Variants in SEC61A2 observed in about 807,000 individuals in gnomAD.
SEC61A2 encodes protein transport protein Sec61 subunit alpha isoform 2.
Under a neutral mutation model 59.9 loss-of-function variants are expected in SEC61A2, and 28 were observed. The ratio of observed to expected loss-of-function variants is 0.47; its 90% confidence interval spans 0.35 to 0.64. The LOEUF (loss-of-function observed/expected upper bound fraction) is 0.64, where lower values mean the gene tolerates loss of function less well. SEC61A2 is among the 30% of genes least tolerant of loss of function. The pLI, the probability that SEC61A2 is intolerant of heterozygous loss-of-function variation, is 0.01. For missense variants in SEC61A2, 340 were observed against 585.9 expected, an observed-to-expected ratio of 0.58 and a Z score of 4.33; for synonymous variants, 202 against 214.4, an observed-to-expected ratio of 0.94 and a Z score of 0.50.
intron 2 of SEC61A2, among the ~76,000 whole-genome samples, chr10:12,135,881 G>T (rs988362078): frequency 6.6e-6 from 1 of 152,182 alleles, no homozygotes; most frequent in Non-Finnish European, 1.5e-5. Context: ...ATCTGTGCAT[G>T]TGTGTCTGTA....
At chr10:12,133,805 T>C (rs1023053014) in intron 2 of SEC61A2, among the ~76,000 whole-genome samples, 24 of 152,222 alleles carry the variant, frequency 1.6e-4, no homozygotes, top group Admixed American at 3.3e-4. Flanking sequence ...TCAGAAGATA[T>C]TGTGACTGGG....
At chr10:12,167,933 T>TAA, downstream of SEC61A2, 2 of 1,445,096 alleles carry the variant, frequency 1.4e-6, no homozygotes, top group Non-Finnish European at 1.8e-6. Flanking sequence ...ATGCTGGTGA[T>TAA]AACGTTTTTT....
chr10:12,160,953 A>T lies in SEC61A2; in HGVS notation c.999A>T (p.Ala333=), dbSNP rs1235909586. The T allele has an allele frequency of 1.9e-6, 3 of 1,613,514 alleles. No homozygotes were observed. Among genetic ancestry groups the T allele is most frequent in the Non-Finnish European group, 2.5e-6 (3 of 1,179,804 alleles). ...AGGATGTCAGTGGGGGAGGACCCGC[A>T]CGTTCTTACCCAGTTGGAGGCCTTT... ...QWADVSGGGP[A]RSYPVGGLCY... Residue 333 remains alanine (A), a synonymous_variant, in exon 10 of 12, where the codon GCA becomes GCT. Transcript: ENST00000298428. This position sits in a 1 kb window ranked among gnomAD's most constrained non-coding sequence, Gnocchi z 4.1.
At position 12,165,115 on chromosome 10, in the gene SEC61A2, C is replaced by T. The variant is rs1363186256; in HGVS notation, c.*661C>T. The stretch of plus-strand genomic sequence containing the variant: ...CCTCTCTTCCCAGTGACAGCATCAT[C>T]GTGCTGTTTGCCTGTATTGGCTATG... On this transcript the variant is annotated 3_prime_UTR_variant, in exon 12 of 12. Coordinates refer to ENST00000298428, the MANE Select transcript of SEC61A2 (RefSeq NM_018144.4). The T allele has an allele frequency of 3.7e-5, 36 of 985,984 alleles. No individual in the cohort carries two copies. Among genetic ancestry groups the T allele is most frequent in the African/African-American group, 1.2e-4 (7 of 57,238 alleles). 61.1% of individuals were successfully genotyped at this position (985,984 alleles called of 1,614,324 possible).
At chr10:12,144,703 G>T (rs1024793307) in intron 4 of SEC61A2, among the ~76,000 whole-genome samples, 1 of 152,132 alleles carries the variant, frequency 6.6e-6, no homozygotes, top group African/African-American at 2.4e-5. Context: ...CATATTCTAG[G>T]GAAGAGCCAG....
chr10:12,138,402 A>G (rs1220485635), intron 3 of SEC61A2, among the ~76,000 whole-genome samples: 1 of 152,186 alleles, frequency 6.6e-6, no homozygotes, highest in African/African-American at 2.4e-5. Flanking sequence ...TAATATATAT[A>G]CAGTAAAGTA....
At chr10:12,148,917 G>A (rs1414720319) in intron 4 of SEC61A2, among the ~76,000 whole-genome samples, 1 of 152,164 alleles carries the variant, frequency 6.6e-6, no homozygotes, top group African/African-American at 2.4e-5. Context: ...CCCCCGTAAG[G>A]TGGACTATTT....
chr10:12,136,131 G>T lies in SEC61A2; in HGVS notation c.102G>T (p.Trp34Cys). The part of the protein sequence containing the change: ...RKIQFREKVL[W>C]TAITLFIFLV... ...TCCAGTTTAGAGAGAAGGTTCTGTG[G>T]ACTGCTATAACGCTCTTCATTTTCT... is the stretch of plus-strand genomic sequence containing the variant. Residue 34 changes from tryptophan (W) to cysteine (C), a missense_variant, in exon 3 of 12, where the codon TGG (tryptophan) becomes TGT (cysteine). By Grantham distance (215) the Trp-to-Cys change is radical. Transcript: ENST00000298428. 1.2e-6 allele frequency: 2 copies of T among 1,606,048 alleles called. No homozygotes were observed. The highest frequency in any genetic ancestry group is 1.1e-5 in the South Asian group (1 of 90,870).
In SEC61A2 at chr10:12,161,281, A is replaced by T. The variant is rs1287175470; in HGVS notation, c.1167+160A>T. ...TAGCGAGACCCCGTCATGACTAAAAAAATACAAATAAAAATCGGCCGGGCA... is the reference window on the plus strand; with the variant it reads ...TAGCGAGACCCCGTCATGACTAAAATAATACAAATAAAAATCGGCCGGGCA... On this transcript the variant is annotated intron_variant, in intron 10 of 11. Transcript: ENST00000298428. The surrounding 1 kb of genome is among the most constrained non-coding windows in gnomAD (Gnocchi z 5.4). Among the ~76,000 whole-genome samples the T allele has an allele frequency of 6.6e-6, 1 of 152,152 alleles. No homozygotes were observed. Among genetic ancestry groups the T allele is most frequent in the Non-Finnish European group, 1.5e-5 (1 of 68,042 alleles).
rs1834510718 is a variant in SEC61A2, at chr10:12,160,914, T to C, written c.976-16T>C. ...AATTAGGTTGACCACTTGTTCTTTG[T>C]ACTCCTGTTCTGTAGGATGTCAGTG... is the stretch of plus-strand genomic sequence containing the variant. On this transcript the variant is annotated splice_polypyrimidine_tract_variant and intron_variant, in intron 9 of 11. Transcript: ENST00000298428. This position sits in a 1 kb window ranked among gnomAD's most constrained non-coding sequence, Gnocchi z 4.1. 1 of 1,596,630 alleles carries C rather than the reference T, an allele frequency of 6.3e-7. No individual in the cohort carries two copies. Among genetic ancestry groups the C allele is most frequent in the Non-Finnish European group, 8.5e-7 (1 of 1,172,680 alleles).
Position 12,165,383 on chromosome 10 carries a change from AAAAAT to A in SEC61A2, c.*933_*937del, listed in dbSNP as rs1834645326. The A allele has an allele frequency of 3.2e-5, 31 of 964,872 alleles. No individual in the cohort carries two copies. The highest frequency in any genetic ancestry group is 3.8e-5 in the Non-Finnish European group (31 of 811,446). The allele number at this position is 964,872 out of a possible 1,614,324, so 59.8% of individuals were successfully genotyped here. ...AGAAAACTGATTCAGTTGTGTTGGA[AAAAAT>A]AAAGAAATCTGATATTAAACGTTTT... On this transcript the variant is annotated 3_prime_UTR_variant, in exon 12 of 12. Transcript: ENST00000298428.
In SEC61A2 at chr10:12,145,353, C is replaced by G. The variant is rs1195145310; in HGVS notation, c.220+2158C>G. ...ATTTCTAGAAGTTCAACTGTTGGGT[C>G]ACAAGATAGGCATACTGAAATTTTT... On this transcript the variant is annotated intron_variant, in intron 4 of 11. Coordinates refer to ENST00000298428, the MANE Select transcript of SEC61A2 (RefSeq NM_018144.4). The surrounding 1 kb of genome is among the most constrained non-coding windows in gnomAD (Gnocchi z 4.4). Among the ~76,000 whole-genome samples the G allele has an allele frequency of 1.3e-5, 2 of 152,140 alleles. No homozygotes were observed. Among genetic ancestry groups the G allele is most frequent in the Admixed American group, 1.3e-4 (2 of 15,260 alleles).
intron 2 of SEC61A2, among the ~76,000 whole-genome samples, chr10:12,134,967 G>T (rs1833852720): frequency 6.6e-6 from 1 of 151,784 alleles, no homozygotes; most frequent in South Asian, 2.1e-4. Flanking sequence ...ACTTCAAAAA[G>T]GGGCATTTAA....
At position 12,160,073 on chromosome 10, in the gene SEC61A2, G is replaced by C. The variant is rs1240566257; in HGVS notation, c.976-857G>C. Among the ~76,000 whole-genome samples the C allele has an allele frequency of 6.6e-6, 1 of 151,546 alleles. No individual in the cohort carries two copies. Among genetic ancestry groups the C allele is most frequent in the Non-Finnish European group, 1.5e-5 (1 of 68,030 alleles). Reference sequence around the variant, plus strand: ...CAGGAAAGTCAAGAGACAGGAATAAGAAGAATGCTGTTTCTGCCCTCCTTA... The same window carrying C: ...CAGGAAAGTCAAGAGACAGGAATAACAAGAATGCTGTTTCTGCCCTCCTTA... On this transcript the variant is annotated intron_variant, in intron 9 of 11. Transcript: ENST00000298428. The surrounding 1 kb of genome is among the most constrained non-coding windows in gnomAD (Gnocchi z 4.1).
rs1010580181 is a variant in SEC61A2 at position 12,164,964 on chromosome 10, C to G, written c.*510C>G. ...ACCCCCACCTCATTTTTATTTGTCC[C>G]TTCTCAAAGCAGCCACTTAGCCCAC... On this transcript the variant is annotated 3_prime_UTR_variant, in exon 12 of 12. Coordinates refer to ENST00000298428, the MANE Select transcript of SEC61A2 (RefSeq NM_018144.4). The surrounding 1 kb of genome is among the most constrained non-coding windows in gnomAD (Gnocchi z 7.3). 2 of 982,496 alleles carry G rather than the reference C, an allele frequency of 2.0e-6. No individual in the cohort carries two copies. The highest frequency in any genetic ancestry group is 2.4e-6 in the Non-Finnish European group (2 of 828,578). The allele number at this position is 982,496 out of a possible 1,614,324, so 60.9% of individuals were successfully genotyped here.
chr10:12,150,650 A>G (rs1485713737), intron 6 of SEC61A2, among the ~76,000 whole-genome samples: 1 of 152,268 alleles, frequency 6.6e-6, no homozygotes, highest in African/African-American at 2.4e-5. Context: ...GATGTTTTAC[A>G]TGGTAATGTC....
At position 12,161,791 on chromosome 10, in the gene SEC61A2, A is replaced by G. The variant is rs1834534516; in HGVS notation, c.1168-422A>G. On this transcript the variant is annotated intron_variant, in intron 10 of 11. Transcript: ENST00000298428. This position sits in a 1 kb window ranked among gnomAD's most constrained non-coding sequence, Gnocchi z 5.4. ...AAAAAATTTTTAAAAAAGTAAAATA[A>G]AACTTTGTTTTTGGAAAATTCATAT... 6.6e-6 allele frequency among the ~76,000 whole-genome samples: 1 copy of G among 152,170 alleles called. No individual in the cohort carries two copies. The highest frequency in any genetic ancestry group is 1.5e-5 in the Non-Finnish European group (1 of 68,036).
At chr10:12,168,035 T>A (rs1834750552), downstream of SEC61A2, 4 of 886,462 alleles carry the variant, frequency 4.5e-6, no homozygotes, top group Non-Finnish European at 6.1e-6. The surrounding 1 kb of genome is among the most constrained non-coding windows in gnomAD (Gnocchi z 4.8). Flanking sequence ...TGATTTTTTT[T>A]TTTTTTGGTG....
chr10:12,133,291 C>T lies in SEC61A2; in HGVS notation c.58C>T (p.Gln20Ter). 1 of 1,561,462 alleles carries T rather than the reference C, an allele frequency of 6.4e-7. No homozygotes were observed. The highest frequency in any genetic ancestry group is 1.1e-5 in the South Asian group (1 of 88,522). The change falls in exon 2 of 12, where the codon CAG becomes TAG. Residue 20 changes from glutamine (Q) to a stop codon, truncating the protein, a stop_gained. Transcript: ENST00000298428. LOFTEE classifies it high-confidence loss of function. The part of the protein sequence containing the change: ...KPFCAVLPEI[Q>*]KPERKIQFRE... ...ATTCTGTGCAGTTCTACCAGAAATTCAGAAACCGGAAAGGAAAGTAAGTAT... is the reference window on the plus strand; with the variant it reads ...ATTCTGTGCAGTTCTACCAGAAATTTAGAAACCGGAAAGGAAAGTAAGTAT...
Sources: gnomAD v4.1 joint callset for allele counts (sites outside exome capture counted in the v4.1 genomes callset) on GRCh38, gnomAD v4.1.1 for gene constraint, Gnocchi (gnomAD v3.1) non-coding constraint, MANE v1.5 for transcripts, NCBI Gene and HGNC (gene_info 2026-07-23, HGNC 2026-07-21) for gene names.